ARMH3: variants seen among roughly 807,000 people sequenced by gnomAD.
ARMH3 encodes the protein armadillo like helical domain containing 3.
ARMH3 carries 60 observed loss-of-function variants against 99.1 expected under a neutral mutation model. The observed-to-expected ratio is 0.61, with a 90% CI of 0.49 to 0.75. The LOEUF (loss-of-function observed/expected upper bound fraction) is 0.75. Among genes scored for constraint, ARMH3 ranks in the 30% least tolerant of loss-of-function variants. ARMH3 has a pLI of 0.00. For missense variants in ARMH3, 679 were observed against 843.1 expected (o/e 0.81, Z 2.41); for synonymous variants, 285 against 292.8 (o/e 0.97, Z 0.27).
At chr10:101,890,914 A>G (rs1281548214) in intron 23 of ARMH3, among the ~76,000 whole-genome samples, 1 of 142,312 alleles carries the variant, frequency 7.0e-6, no homozygotes, top group Non-Finnish European at 1.5e-5. Flanking sequence ...TCACTTTGTC[A>G]TCCAGGCTGG....
chr10:101,941,573 G>A (rs928771227), intron 22 of ARMH3, among the ~76,000 whole-genome samples: 4 of 152,158 alleles, frequency 2.6e-5, no homozygotes, highest in Non-Finnish European at 5.9e-5. Flanking sequence ...GCTGCTCTAC[G>A]TCTGTTCCAG....
chr10:102,017,363 A>AGCAT (rs1195741918), intron 8 of ARMH3, among the ~76,000 whole-genome samples: 80 of 152,354 alleles, frequency 5.3e-4, no homozygotes, highest in African/African-American at 1.9e-3. Flanking sequence ...GGCTTCTGAA[A>AGCAT]GACTAGAGAT....
intron 22 of ARMH3, among the ~76,000 whole-genome samples, chr10:101,943,918 G>T (rs1844354559): frequency 6.6e-6 from 1 of 151,506 alleles, no homozygotes; most frequent in South Asian, 2.1e-4. Flanking sequence ...CAAAAAATTA[G>T]CCGGGTGTGG....
At chr10:101,879,326 T>C (rs905857218) in intron 24 of ARMH3, among the ~76,000 whole-genome samples, 1 of 152,024 alleles carries the variant, frequency 6.6e-6, no homozygotes, top group Non-Finnish European at 1.5e-5. Flanking sequence ...AAATGATAAG[T>C]ACATCTACCC....
chr10:102,003,588 C>CA (rs2066417738), intron 14 of ARMH3, among the ~76,000 whole-genome samples: 1 of 152,052 alleles, frequency 6.6e-6, no homozygotes, highest in Non-Finnish European at 1.5e-5. Flanking sequence ...TATAATGGCC[C>CA]AAAAAAGCTA....
At chr10:101,886,295 T>A (rs572425849) in intron 24 of ARMH3, among the ~76,000 whole-genome samples, 18 of 151,192 alleles carry the variant, frequency 1.2e-4, no homozygotes, top group Non-Finnish European at 2.2e-4. Flanking sequence ...AGGTGGCTCA[T>A]TTGAGGTCAG....
intron 19 of ARMH3, among the ~76,000 whole-genome samples, chr10:101,985,276 G>A (rs1253389649): frequency 7.0e-6 from 1 of 142,656 alleles, no homozygotes; most frequent in Non-Finnish European, 1.5e-5. Context: ...ATACGTATGT[G>A]TATATACGTA....
chr10:101,897,641 GT>G (rs1322469088), intron 23 of ARMH3, among the ~76,000 whole-genome samples: 1 of 152,078 alleles, frequency 6.6e-6, no homozygotes, highest in Admixed American at 6.6e-5. Flanking sequence ...GGGGGAATGT[GT>G]TTTATTCTGA....
chr10:101,892,539 T>C (rs2067719683), intron 23 of ARMH3, among the ~76,000 whole-genome samples: 1 of 152,162 alleles, frequency 6.6e-6, no homozygotes, highest in Admixed American at 6.6e-5. Context: ...CAAATCACTA[T>C]TTTATAGCTT....
At chr10:101,962,496 GT>G (rs1845342946) in intron 20 of ARMH3, among the ~76,000 whole-genome samples, 1 of 151,512 alleles carries the variant, frequency 6.6e-6, no homozygotes, top group Non-Finnish European at 1.5e-5. Flanking sequence ...TCTTTTCAAA[GT>G]AAGAAATACC....
In ARMH3 at chr10:101,879,594, C is replaced by T. The variant is rs185215720; in HGVS notation, c.1860+9818G>A. On this transcript the variant is annotated intron_variant, in intron 24 of 25. Coordinates refer to ENST00000370033, the MANE Select transcript of ARMH3 (RefSeq NM_024541.3). ...CTCAAATTCCTGGCCCCAGTTGATC[C>T]GCCCACCTCGGCCTCCAAAAGTGCT... Among the ~76,000 whole-genome samples the T allele has an allele frequency of 6.6e-5, 10 of 152,152 alleles. No individual in the cohort carries two copies. The South Asian group carries it at 1.9e-3, about 28-fold the overall frequency.
Position 101,904,935 on chromosome 10 carries a change from A to T in ARMH3, c.1782-15445T>A, listed in dbSNP as rs529070941. 5.5e-5 allele frequency among the ~76,000 whole-genome samples: 8 copies of T among 146,698 alleles called. No homozygotes were observed. In the South Asian group the frequency reaches 9.0e-4, roughly 17 times the overall value. On this transcript the variant is annotated intron_variant, in intron 23 of 25. Coordinates refer to ENST00000370033, the MANE Select transcript of ARMH3 (RefSeq NM_024541.3). ...CCACTGCACTCCAGCCTGGGGACAG[A>T]GAGAGACTCCATCTCAAAAAAAAAA...
chr10:102,002,222 T>C (rs1312518792), intron 14 of ARMH3, 150 bp from the exon 15 acceptor site: 3 of 1,184,740 alleles, frequency 2.5e-6, no homozygotes. Flanking sequence ...ACAAAACTTT[T>C]ATCTACTCTT....
chr10:101,941,751 C>T lies in ARMH3; in HGVS notation c.1706-1813G>A, dbSNP rs56343025. Among the ~76,000 whole-genome samples, 1,295 of 152,200 alleles carry T rather than the reference C, an allele frequency of 8.5e-3. 7 individuals are homozygous for T. Among genetic ancestry groups the T allele is most frequent in the Non-Finnish European group, 0.011 (762 of 68,026 alleles). ...GTCTAAACTCAGGTTTCACTGAGTG[C>T]ATGTGAGAATTTATTCATGTAATGA... On this transcript the variant is annotated intron_variant, in intron 22 of 25. Transcript: ENST00000370033.
intron 17 of ARMH3, among the ~76,000 whole-genome samples, chr10:101,993,246 G>C (rs865791636): frequency 4.0e-5 from 6 of 150,240 alleles, no homozygotes; most frequent in Non-Finnish European, 8.9e-5. Context: ...ACTCCAGCCT[G>C]GGGGGGAGAG....
intron 24 of ARMH3, among the ~76,000 whole-genome samples, chr10:101,850,665 T>C (rs954288248): frequency 6.6e-6 from 1 of 152,154 alleles, no homozygotes; most frequent in Non-Finnish European, 1.5e-5. Flanking sequence ...ACTCAGTTGA[T>C]CCACCAGACT....
chr10:102,046,495 A>G (rs550297995), intron 1 of ARMH3, among the ~76,000 whole-genome samples: 9 of 151,998 alleles, frequency 5.9e-5, no homozygotes, highest in Admixed American at 5.2e-4. Context: ...TCTACTAAAA[A>G]TACAAAATTA....
intron 5 of ARMH3, 194 bp downstream of exon 5, chr10:102,029,444 C>A: frequency 6.5e-7 from 1 of 1,543,278 alleles, no homozygotes; most frequent in Admixed American, 2.0e-5. Context: ...TACCTCCATT[C>A]AAATTTGAAT....
At chr10:102,017,203 A>G (rs898149074) in intron 8 of ARMH3, among the ~76,000 whole-genome samples, 2 of 152,202 alleles carry the variant, frequency 1.3e-5, no homozygotes, top group African/African-American at 4.8e-5. Context: ...TTCATCTGGA[A>G]TTCTTCACGT....
Sources: gnomAD v4.1 joint callset for allele counts (sites outside exome capture counted in the v4.1 genomes callset) on GRCh38, gnomAD v4.1.1 for gene constraint, MANE v1.5 for transcripts, NCBI Gene and HGNC (gene_info 2026-07-23, HGNC 2026-07-21) for gene names.